Variants in MYO18A observed in about 807,000 individuals in gnomAD.
The protein encoded by MYO18A is unconventional myosin-XVIIIa.
Under a neutral mutation model 235.8 loss-of-function variants are expected in MYO18A, and 78 were observed. The ratio of observed to expected loss-of-function variants is 0.33; its 90% CI spans 0.28 to 0.40. MYO18A has a LOEUF of 0.40. Ranked by LOEUF, MYO18A falls within the 10% of genes least tolerant of loss-of-function variation. The probability of loss-of-function intolerance (pLI) is 1.00; values close to 1 mark genes in which losing one functional copy is unlikely to be tolerated. For missense variants in MYO18A, 2,215 were observed against 2,699.3 expected, an observed-to-expected ratio of 0.82 and a Z score of 3.98; for synonymous variants, 977 against 1,077.8, an observed-to-expected ratio of 0.91 and a Z score of 1.83.
At chr17:29,098,075 C>T in intron 25 of MYO18A, 30 bp downstream of exon 25, 1 of 1,609,848 alleles carries the variant, frequency 6.2e-7, no homozygotes, top group Non-Finnish European at 8.5e-7. Flanking sequence ...AGTCACCAGC[C>T]TGCTGTTCTC....
At chr17:29,080,745 G>T in intron 41 of MYO18A, 14 of 985,588 alleles carry the variant, frequency 1.4e-5, no homozygotes, top group Middle Eastern at 5.2e-4. Context: ...CGCGCCCCCC[G>T]GTCCCCGAGC....
intron 21 of MYO18A, among the ~76,000 whole-genome samples, chr17:29,101,085 C>T (rs1266746350): frequency 1.3e-5 from 2 of 152,122 alleles, no homozygotes; most frequent in Non-Finnish European, 2.9e-5. Context: ...GCAACCTCTA[C>T]CTCCCAGGCT....
chr17:29,077,878 G>GA, intron 41 of MYO18A: 1 of 152,260 alleles, frequency 6.6e-6, no homozygotes, highest in Admixed American at 6.5e-5. Flanking sequence ...GAGGCGCAGT[G>GA]TGCAACAAGG....
At chr17:29,150,234 TA>T (rs1259824753) in intron 2 of MYO18A, among the ~76,000 whole-genome samples, 28 of 152,284 alleles carry the variant, frequency 1.8e-4, no homozygotes, top group African/African-American at 6.5e-4. Flanking sequence ...AAGTAAAAAA[TA>T]AAGCACAAAC....
At chr17:29,116,509 A>C (rs564416631) in intron 10 of MYO18A, 54 bp from the exon 11 acceptor site, 98 of 1,612,670 alleles carry the variant, frequency 6.1e-5, no homozygotes, top group Non-Finnish European at 7.9e-5. Flanking sequence ...TGTGTTAGCA[A>C]ACAGTCATCA....
chr17:29,098,775 A>G (rs12450936), intron 23 of MYO18A, 51 bp downstream of exon 23: 584,727 of 1,603,326 alleles, frequency 0.36, 114,495 homozygotes, highest in East Asian at 0.85. Context: ...AAGATAAACC[A>G]GCAAGGCTTC....
At chr17:29,079,583 A>G in intron 41 of MYO18A, 1 of 468,456 alleles carries the variant, frequency 2.1e-6, no homozygotes, top group Non-Finnish European at 2.8e-6. Flanking sequence ...CCTGCTCATC[A>G]AGGCAGCCAG....
At chr17:29,079,736 C>T (rs2066069892) in intron 41 of MYO18A, 1 of 986,048 alleles carries the variant, frequency 1.0e-6, no homozygotes, top group Non-Finnish European at 1.2e-6. Flanking sequence ...CTGCACTAGT[C>T]GCTCTCGGGC....
chr17:29,082,562 T>G, intron 40 of MYO18A, 124 bp from the exon 41 acceptor site: 12 of 969,004 alleles, frequency 1.2e-5, no homozygotes, highest in Non-Finnish European at 1.8e-5. Context: ...CGTCGGTGAG[T>G]CGGGAGGGCG....
At chr17:29,133,394 C>T (rs1054254430) in intron 2 of MYO18A, among the ~76,000 whole-genome samples, 2 of 152,244 alleles carry the variant, frequency 1.3e-5, no homozygotes, top group African/African-American at 4.8e-5. Flanking sequence ...ACTCCCCACC[C>T]TTGGCCCCTT....
In MYO18A at chr17:29,074,330, C is replaced by T. The variant is rs1393249044; in HGVS notation, c.*440G>A. The T allele has an allele frequency of 1.2e-6, 1 of 828,042 alleles. No homozygotes were observed. Among genetic ancestry groups the T allele is most frequent in the Non-Finnish European group, 1.9e-6 (1 of 533,932 alleles). 51.3% of individuals were successfully genotyped at this position (828,042 alleles called of 1,614,324 possible). On this transcript the variant is annotated 3_prime_UTR_variant, in exon 42 of 42. Transcript: ENST00000527372. This position sits in a 1 kb window ranked among gnomAD's most constrained non-coding sequence, Gnocchi z 4.4. ...ACAGCAGGCACCAAGAAGAGAGAGCCCCCACCCCACACGAGAGGGAAGGCA... is the reference window on the plus strand; with the variant it reads ...ACAGCAGGCACCAAGAAGAGAGAGCTCCCACCCCACACGAGAGGGAAGGCA...
intron 41 of MYO18A, chr17:29,080,763 GCCGCACTCCTCCGGCTC>G: frequency 1.0e-6 from 1 of 985,550 alleles, no homozygotes; most frequent in South Asian, 4.7e-5. Context: ...AGCGGACGGA[GCCGCACTCCTCCGGCTC>G]CTCGGACTTC....
chr17:29,171,254 C>G (rs1015792021), intron 1 of MYO18A, among the ~76,000 whole-genome samples: 2 of 151,852 alleles, frequency 1.3e-5, no homozygotes, highest in African/African-American at 4.8e-5. Flanking sequence ...TCGAGACCAT[C>G]CTGAAACCCC....
chr17:29,074,975 C>T lies in MYO18A; in HGVS notation c.6021-61G>A, dbSNP rs1030006336. ...ACACTCCTACCATTAAGCACGCACG[C>T]CTTTGGTTCTGGAGGCCCACAAAGC... On this transcript the variant is annotated intron_variant, in intron 41 of 41. Transcript: ENST00000527372. The surrounding 1 kb of genome is among the most constrained non-coding windows in gnomAD (Gnocchi z 4.4). 2.5e-6 allele frequency: 4 copies of T among 1,593,394 alleles called. No homozygotes were observed. Among genetic ancestry groups the T allele is most frequent in the Admixed American group, 1.7e-5 (1 of 59,442 alleles).
At chr17:29,139,546 G>A (rs971410509) in intron 2 of MYO18A, among the ~76,000 whole-genome samples, 1 of 151,966 alleles carries the variant, frequency 6.6e-6, no homozygotes, top group Non-Finnish European at 1.5e-5. Flanking sequence ...GGCTCCTGAT[G>A]CACCTCCGCA....
Position 29,098,358 on chromosome 17 carries a change from G to A in MYO18A, c.3868C>T (p.Arg1290Trp), listed in dbSNP as rs756849256. 13 of 1,613,630 alleles carry A rather than the reference G, an allele frequency of 8.1e-6. No homozygotes were observed. Among genetic ancestry groups the A allele is most frequent in the East Asian group, 2.2e-5 (1 of 44,894 alleles). ...LRLNSDRLES[R>W]ISELTSELTD... ...GTGTGGTGCCAGGAGTCACTCACCC[G>A]GCTCTCCAGCCGGTCACTGTTGAGC... Residue 1290 changes from arginine to tryptophan, a missense_variant and splice_region_variant, in exon 24 of 42, where the codon CGG (arginine) becomes TGG (tryptophan). Transcript: ENST00000527372.
chr17:29,150,849 A>G (rs895419599), intron 2 of MYO18A, among the ~76,000 whole-genome samples: 1 of 152,206 alleles, frequency 6.6e-6, no homozygotes, highest in African/African-American at 2.4e-5. Context: ...CAAAATCCCA[A>G]AACTGTAGCT....
At position 29,148,582 on chromosome 17, in the gene MYO18A, T is replaced by TTGTGTGTGTGTG. The variant is rs10535921; in HGVS notation, c.999+17348_999+17359dup. 8.2e-3 allele frequency among the ~76,000 whole-genome samples: 1,227 copies of TTGTGTGTGTGTG among 148,864 alleles called. 11 individuals carry two copies. Among genetic ancestry groups the TTGTGTGTGTGTG allele is most frequent in the Middle Eastern group, 0.024 (7 of 290 alleles). ...TTGGGAGGAATTATCCTTTATTCTT[T>TTGTGTGTGTGTG]TGTGTGTGTGTGTGTGTGTGTGTGT... On this transcript the variant is annotated intron_variant, in intron 2 of 41. Transcript: ENST00000527372.
chr17:29,097,325 C>A lies in MYO18A; in HGVS notation c.4128G>T (p.Glu1376Asp), dbSNP rs763872826. Reference protein sequence around the residue: ...DAGGEWRLKYERAVREVDFTK... With the variant: ...DAGGEWRLKYDRAVREVDFTK... Reference sequence around the variant, plus strand: ...TGAAGTCCACCTCCCGCACAGCCCGCTCATACTTCAGCCGCCACTCGCCAC... The same window carrying A: ...TGAAGTCCACCTCCCGCACAGCCCGATCATACTTCAGCCGCCACTCGCCAC... The change falls in exon 27 of 42, where the codon GAG becomes GAT. Residue 1376 changes from glutamate to aspartate, a missense_variant. Transcript: ENST00000527372. 6.2e-7 allele frequency: 1 copy of A among 1,609,484 alleles called. No individual in the cohort carries two copies. The highest frequency in any genetic ancestry group is 1.1e-5 in the South Asian group (1 of 91,084).
Sources: allele counts gnomAD v4.1 joint callset (sites outside exome capture counted in the v4.1 genomes callset), GRCh38; gene constraint gnomAD v4.1.1; non-coding constraint Gnocchi (gnomAD v3.1); transcripts MANE v1.5; gene names NCBI Gene and HGNC (gene_info 2026-07-23, HGNC 2026-07-21).